HYDIN: variants seen among roughly 807,000 people sequenced by gnomAD.
The protein encoded by HYDIN is axonemal central pair apparatus protein HYDIN.
In HYDIN, 132 loss-of-function variants were observed where a neutral mutation model predicts 403.9. That is an observed-to-expected ratio of 0.33 (90% confidence interval 0.28 to 0.38). The LOEUF (loss-of-function observed/expected upper bound fraction) is 0.38, where lower values mean the gene tolerates loss of function less well. Ranked by LOEUF, HYDIN falls within the 10% of genes least tolerant of loss-of-function variation. The pLI is 1.00. For synonymous variants in HYDIN, 1,202 were observed against 1,891.7 expected, an observed-to-expected ratio of 0.64 and a Z score of 9.46; for missense variants, 2,827 against 5,009.5, an observed-to-expected ratio of 0.56 and a Z score of 13.15.
chr16:70,958,045 T>C (rs540575979), intron 39 of HYDIN, among the ~76,000 whole-genome samples: 371 of 148,256 alleles, frequency 2.5e-3, no homozygotes, highest in African/African-American at 8.8e-3. Context: ...TATTTTTAAA[T>C]TACGGAAAGA....
intron 44 of HYDIN, among the ~76,000 whole-genome samples, chr16:70,937,669 C>CAAAAA (rs55658404): frequency 1.2e-5 from 1 of 80,964 alleles, no homozygotes; most frequent in African/African-American, 4.8e-5. Context: ...GAGTCTGTCT[C>CAAAAA]AAAAAAAAAA....
intron 13 of HYDIN, among the ~76,000 whole-genome samples, chr16:71,069,711 A>G (rs1432265353): frequency 2.0e-5 from 3 of 152,272 alleles, no homozygotes; most frequent in South Asian, 2.1e-4. Flanking sequence ...TTTTTCATTT[A>G]TGCATTCACT....
chr16:71,109,313 A>C (rs1248741764), intron 10 of HYDIN, among the ~76,000 whole-genome samples: 3 of 137,442 alleles, frequency 2.2e-5, no homozygotes, highest in Non-Finnish European at 4.4e-5. Context: ...TATTGTATAT[A>C]ATCCCTGGGA....
At chr16:71,184,721 A>T (rs1032850963) in intron 3 of HYDIN, 144 bp downstream of exon 3, 1 of 647,864 alleles carries the variant, frequency 1.5e-6, no homozygotes, top group African/African-American at 1.8e-5. Flanking sequence ...ACAGATATGA[A>T]GACATTCAGA....
rs1255240835 is a variant in HYDIN at position 71,004,140 on chromosome 16, T to C, written c.3645-11930A>G. ...GACCAGCCTGACCAACATGGAGAAATCCCATCTCTACTGAACATACAAAAT... is the reference window on the plus strand; with the variant it reads ...GACCAGCCTGACCAACATGGAGAAACCCCATCTCTACTGAACATACAAAAT... On this transcript the variant is annotated intron_variant, in intron 23 of 85. Coordinates refer to ENST00000393567, the MANE Select transcript of HYDIN (RefSeq NM_001270974.2). Among the ~76,000 whole-genome samples, 6 of 151,622 alleles carry C rather than the reference T, an allele frequency of 4.0e-5. No individual in the cohort carries two copies. The East Asian group carries it at 7.8e-4, about 20-fold the overall frequency.
rs1311111889 is a variant in HYDIN, at chr16:70,803,847, G to A, written c.*3733C>T. Among the ~76,000 whole-genome samples, 2 of 152,144 alleles carry A rather than the reference G, an allele frequency of 1.3e-5. No homozygotes were observed. Among genetic ancestry groups the A allele is most frequent in the African/African-American group, 4.8e-5 (2 of 41,422 alleles). The stretch of plus-strand genomic sequence containing the variant: ...ACTTAGCATGCCACACTCACTGGGG[G>A]CCCAGTGTGGAACGAGGCCAGGGAG... On this transcript the variant is annotated 3_prime_UTR_variant, in exon 86 of 86. Transcript: ENST00000393567.
At chr16:71,050,608 G>A (rs368181175) in intron 18 of HYDIN, among the ~76,000 whole-genome samples, 36 of 151,694 alleles carry the variant, frequency 2.4e-4, no homozygotes, top group African/African-American at 8.4e-4. Flanking sequence ...CCATAGTTTT[G>A]CCTTTTCTAG....
chr16:70,927,005 T>C (rs554979948), intron 45 of HYDIN, among the ~76,000 whole-genome samples: 29 of 152,188 alleles, frequency 1.9e-4, no homozygotes, highest in African/African-American at 6.7e-4. Flanking sequence ...TGTGAAAGGT[T>C]TGCAAAAAGG....
In HYDIN at chr16:70,879,609, G is replaced by C; in HGVS notation, c.10363C>G (p.Pro3455Ala). 1 of 1,613,352 alleles carries C rather than the reference G, an allele frequency of 6.2e-7. No homozygotes were observed. Among genetic ancestry groups the C allele is most frequent in the Non-Finnish European group, 8.5e-7 (1 of 1,179,930 alleles). The change falls in exon 61 of 86, where the codon CCC becomes GCC. Residue 3455 changes from proline to alanine, a missense_variant. Transcript: ENST00000393567. ...CIFEATLDGL[P>A]STLAKSRGLV... is the part of the protein sequence containing the mutation. ...CTGGGAGCTGGGAGTTGGTACCTGGGCAAGCCATCCAAGGTAGCCTCAAAG... is the reference window on the plus strand; with the variant it reads ...CTGGGAGCTGGGAGTTGGTACCTGGCCAAGCCATCCAAGGTAGCCTCAAAG...
Position 71,067,355 on chromosome 16 carries a change from C to A in HYDIN, c.2010G>T (p.Glu670Asp). The change falls in exon 15 of 86, where the codon GAG (glutamate) becomes GAT (aspartate). Residue 670 changes from glutamate (E) to aspartate (D), a missense_variant. By Grantham distance (45) the Glu-to-Asp change is conservative. Coordinates refer to ENST00000393567, the MANE Select transcript of HYDIN (RefSeq NM_001270974.2). ...TLCSNTVQKYELALVVDVEGI... is the reference protein window; with the variant it reads ...TLCSNTVQKYDLALVVDVEGI... ...CCTCCACGTCCACCACGAGTGCCAG[C>A]TCGTATTTCTGCACAGTGTTGGAGC... 2.5e-6 allele frequency: 4 copies of A among 1,612,634 alleles called. No individual in the cohort carries two copies. The highest frequency in any genetic ancestry group is 3.4e-6 in the Non-Finnish European group (4 of 1,179,580).
chr16:71,042,954 CTG>C (rs1376347905), intron 18 of HYDIN, among the ~76,000 whole-genome samples: 1 of 151,396 alleles, frequency 6.6e-6, no homozygotes, highest in Admixed American at 6.6e-5. Flanking sequence ...GCCTTCCTAA[CTG>C]TGGTACAGCA....
At chr16:71,225,253 G>A (rs779076648) in intron 1 of HYDIN, among the ~76,000 whole-genome samples, 1 of 152,154 alleles carries the variant, frequency 6.6e-6, no homozygotes, top group South Asian at 2.1e-4. Context: ...TTTCGTAGCA[G>A]ACTTGAACCC....
At chr16:71,160,167 A>C (rs4788778) in intron 6 of HYDIN, among the ~76,000 whole-genome samples, 20,268 of 54,238 alleles carry the variant, frequency 0.37, 5,511 homozygotes, top group African/African-American at 0.73. Context: ...AAATGCATAA[A>C]TGAGCATGCA....
chr16:70,834,978 A>ATATATATATATACACACATATGTGTG lies in HYDIN; in HGVS notation c.13401+697_13401+698insCACACATATGTGTGTATATATATATA, dbSNP rs2037305082. Among the ~76,000 whole-genome samples the ATATATATATATACACACATATGTGTG allele has an allele frequency of 5.5e-5, 5 of 91,306 alleles. No individual in the cohort carries two copies. The African/African-American group carries it at 6.3e-4, about 11-fold the overall frequency. 59.9% of individuals were successfully genotyped at this position (91,306 alleles called of 152,430 possible). ...TATATATACACACATATATGTGTGT[A>ATATATATATATACACACATATGTGTG]TATATATATATATACACACATATAT... On this transcript the variant is annotated intron_variant, in intron 78 of 85. Transcript: ENST00000393567.
intron 1 of HYDIN, among the ~76,000 whole-genome samples, chr16:71,227,547 G>C (rs1185211588): frequency 2.0e-5 from 3 of 152,116 alleles, no homozygotes; most frequent in African/African-American, 7.2e-5. Flanking sequence ...CAAATCATGA[G>C]TGAACTCCCA....
intron 1 of HYDIN, among the ~76,000 whole-genome samples, chr16:71,221,323 T>C (rs2089188270): frequency 6.6e-6 from 1 of 151,364 alleles, no homozygotes; most frequent in South Asian, 2.1e-4. Flanking sequence ...ACAGCCCAAA[T>C]TCATATCACC....
intron 66 of HYDIN, 125 bp downstream of exon 66, chr16:70,868,445 C>T: frequency 2.8e-6 from 4 of 1,414,100 alleles, no homozygotes; most frequent in Non-Finnish European, 3.7e-6. Context: ...CTTTTGGAGT[C>T]AAGGTCAAGT....
At chr16:71,180,608 T>C (rs891048087) in intron 3 of HYDIN, among the ~76,000 whole-genome samples, 1 of 112,572 alleles carries the variant, frequency 8.9e-6, no homozygotes, top group Admixed American at 9.5e-5. Context: ...CATAGACAGA[T>C]AGACAGATAG....
At chr16:71,228,275 C>A (rs1329062805) in intron 1 of HYDIN, among the ~76,000 whole-genome samples, 1 of 151,976 alleles carries the variant, frequency 6.6e-6, no homozygotes, top group Non-Finnish European at 1.5e-5. Context: ...TCTAAAACAC[C>A]AAAAGCAATG....
Sources: gnomAD v4.1 joint callset for allele counts (sites outside exome capture counted in the v4.1 genomes callset) on GRCh38, gnomAD v4.1.1 for gene constraint, MANE v1.5 for transcripts, NCBI Gene and HGNC (gene_info 2026-07-23, HGNC 2026-07-21) for gene names.